Variants in FCER2 observed in about 807,000 individuals in gnomAD.
FCER2 encodes the protein Fc epsilon receptor II.
A neutral mutation model predicts 49.7 loss-of-function variants in FCER2; 38 were observed. The observed-to-expected ratio is 0.76, with a 90% CI of 0.59 to 1.00. FCER2 has a LOEUF of 1.00. Ranked by LOEUF, FCER2 falls within the 50% of genes least tolerant of loss-of-function variation. The pLI is 0.00. For synonymous variants in FCER2, 163 were observed against 164.6 expected, an observed-to-expected ratio of 0.99 and a Z score of 0.07; for missense variants, 425 against 419.5, an observed-to-expected ratio of 1.01 and a Z score of -0.11.
At chr19:7,691,425 C>T (rs62110719) in intron 8 of FCER2, among the ~76,000 whole-genome samples, 52,765 of 151,498 alleles carry the variant, frequency 0.35, 10,288 homozygotes, top group African/African-American at 0.53. Context: ...CATCAATCAC[C>T]AACACCATCG....
chr19:7,695,547 G>A (rs767215984), intron 8 of FCER2, among the ~76,000 whole-genome samples: 31 of 152,284 alleles, frequency 2.0e-4, no homozygotes, highest in Admixed American at 1.7e-3. Flanking sequence ...AGGCCGAGGC[G>A]AGAGGATTGC....
At position 7,690,188 on chromosome 19, in the gene FCER2, G is replaced by A. The variant is rs2229229; in HGVS notation, c.699C>T (p.Ile233=). 3.7e-5 allele frequency: 59 copies of A among 1,613,718 alleles called. No homozygotes were observed. In the African/African-American group the frequency reaches 7.6e-4, roughly 21 times the overall value. ...LRNLDLKGEF[I]WVDGSHVDYS... Reference sequence around the variant, plus strand: ...AGTCCACGTGGCTCCCATCCACCCAGATAAACTCCCCCTTCAGGTCCAAGT... The same window carrying A: ...AGTCCACGTGGCTCCCATCCACCCAAATAAACTCCCCCTTCAGGTCCAAGT... Residue 233 remains isoleucine (I), a synonymous_variant, in exon 10 of 11, where the codon ATC becomes ATT. Coordinates refer to ENST00000597921, the MANE Select transcript of FCER2 (RefSeq NM_001220500.2).
intron 8 of FCER2, among the ~76,000 whole-genome samples, chr19:7,693,536 C>T (rs2146272474): frequency 6.6e-6 from 1 of 152,044 alleles, no homozygotes; most frequent in African/African-American, 2.4e-5. Context: ...CGCTTGAGCC[C>T]AGGAGTTTGA....
At position 7,697,294 on chromosome 19, in the gene FCER2, C is replaced by G; in HGVS notation, c.258G>C (p.Thr86=). The change falls in exon 6 of 11, where the codon ACG becomes ACC. Residue 86 remains threonine (T), a synonymous_variant. Transcript: ENST00000597921. ...GDQMAQKSQS[T]QISQELEELR... is the part of the protein sequence containing the mutation. Reference sequence around the variant, plus strand: ...GTTCCTCCAGTTCCTGTGAAATCTGCGTGGCTGTTTGCAGGGGAGGGGGCT... The same window carrying G: ...GTTCCTCCAGTTCCTGTGAAATCTGGGTGGCTGTTTGCAGGGGAGGGGGCT... The G allele has an allele frequency of 6.2e-7, 1 of 1,614,116 alleles. No individual in the cohort carries two copies. Among genetic ancestry groups the G allele is most frequent in the Non-Finnish European group, 8.5e-7 (1 of 1,179,976 alleles).
intron 1 of FCER2, among the ~76,000 whole-genome samples, chr19:7,701,434 C>G (rs2033150311): frequency 6.6e-6 from 1 of 152,092 alleles, no homozygotes; most frequent in Non-Finnish European, 1.5e-5. Context: ...TGGGAGTATT[C>G]AAAGCACCAG....
In FCER2 at chr19:7,696,929, A is replaced by G; in HGVS notation, c.380-15T>C. 1.3e-6 allele frequency: 2 copies of G among 1,569,804 alleles called. No individual in the cohort carries two copies. Among genetic ancestry groups the G allele is most frequent in the Non-Finnish European group, 1.7e-6 (2 of 1,156,338 alleles). Reference sequence around the variant, plus strand: ...CTCGTTCAATTCTTGGGGAGTCAACAAGGGGCGGTGCTCAGAGACCAACTG... The same window carrying G: ...CTCGTTCAATTCTTGGGGAGTCAACGAGGGGCGGTGCTCAGAGACCAACTG... On this transcript the variant is annotated splice_polypyrimidine_tract_variant and intron_variant, in intron 7 of 10. Transcript: ENST00000597921.
chr19:7,689,533 A>G, intron 10 of FCER2, 103 bp from the exon 11 acceptor site: 1 of 703,330 alleles, frequency 1.4e-6, no homozygotes, highest in Non-Finnish European at 2.3e-6. Context: ...CAGGTTCCCC[A>G]TCCTGAGTCT....
rs745635553 is a variant in FCER2 at position 7,698,356 on chromosome 19, C to T, written c.190G>A (p.Val64Ile). The T allele has an allele frequency of 2.1e-5, 33 of 1,609,366 alleles. No individual in the cohort carries two copies. The highest frequency in any genetic ancestry group is 1.6e-4 in the Middle Eastern group (1 of 6,064). The change falls in exon 4 of 11, where the codon GTC becomes ATC. Residue 64 changes from valine (V) to isoleucine (I), a missense_variant and splice_region_variant. Physicochemically the swap from Val to Ile is conservative, Grantham distance 29. Transcript: ENST00000597921. ...CCCCTCCACCTTGACCCCTTCATAC[C>T]GTTCCGGGCAGCCCTCTCTTCCAGC... is the stretch of plus-strand genomic sequence containing the variant. ...KQLEERAARN[V>I]SQVSKNLESH... is the part of the protein sequence containing the mutation.
chr19:7,699,630 C>T, intron 2 of FCER2, 109 bp downstream of exon 2: 1 of 1,297,322 alleles, frequency 7.7e-7, no homozygotes, highest in Admixed American at 1.8e-5. Flanking sequence ...CTTAGAAATT[C>T]ACCCTCTTTC....
chr19:7,698,251 C>T, intron 4 of FCER2, 105 bp downstream of exon 4: 1 of 833,086 alleles, frequency 1.2e-6, no homozygotes, highest in Non-Finnish European at 1.9e-6. Context: ...CTTAGTTTGA[C>T]CTTCAGTTCC....
At position 7,698,261 on chromosome 19, in the gene FCER2, C is replaced by G. The variant is rs777406949; in HGVS notation, c.190+95G>C. The G allele has an allele frequency of 1.9e-4, 177 of 921,408 alleles. 1 individual carries two copies. Among genetic ancestry groups the G allele is most frequent in the Non-Finnish European group, 2.7e-4 (161 of 607,134 alleles). 57.1% of individuals were successfully genotyped at this position (921,408 alleles called of 1,614,324 possible). A position where few individuals can be genotyped will look rare whatever the true frequency, so the allele number is the denominator to read the frequency against. ...AGCAACTTAGTTTGACCTTCAGTTC[C>G]TTAGCGAGGGGACACTGAGGCCCAG... On this transcript the variant is annotated intron_variant, in intron 4 of 10. Coordinates refer to ENST00000597921, the MANE Select transcript of FCER2 (RefSeq NM_001220500.2).
At chr19:7,697,134 C>A (rs887293379) in intron 6 of FCER2, 59 bp from the exon 7 acceptor site, 5 of 1,603,088 alleles carry the variant, frequency 3.1e-6, no homozygotes, top group Non-Finnish European at 4.3e-6. Context: ...GCCGAGGGTG[C>A]CCCCCAAGCC....
At position 7,689,449 on chromosome 19, in the gene FCER2, G is replaced by C; in HGVS notation, c.729-19C>G. 2 of 1,522,022 alleles carry C rather than the reference G, an allele frequency of 1.3e-6. No homozygotes were observed. The highest frequency in any genetic ancestry group is 2.3e-5 in the East Asian group (1 of 43,332). 94.3% of individuals were successfully genotyped at this position (1,522,022 alleles called of 1,614,324 possible). A position where few individuals can be genotyped will look rare whatever the true frequency, so the allele number is the denominator to read the frequency against. On this transcript the variant is annotated intron_variant, in intron 10 of 10. Transcript: ENST00000597921. Reference sequence around the variant, plus strand: ...CCAGTTGCTGGAGCAAAAGGCTTTGGGTCAGGGGATGGGGCGGGGAGAAGG... The same window carrying C: ...CCAGTTGCTGGAGCAAAAGGCTTTGCGTCAGGGGATGGGGCGGGGAGAAGG...
rs2032776774 is a variant in FCER2, at chr19:7,688,948, T to G, written c.*245A>C. ...GGTGCTGTTGGGGTGTACTCTCATC[T>G]GGAGAGGGTGCTGTTGGGGTGTACT... On this transcript the variant is annotated 3_prime_UTR_variant, in exon 11 of 11. Coordinates refer to ENST00000597921, the MANE Select transcript of FCER2 (RefSeq NM_001220500.2). The G allele has an allele frequency of 1.8e-6, 1 of 550,888 alleles. No homozygotes were observed. Among genetic ancestry groups the G allele is most frequent in the Non-Finnish European group, 3.3e-6 (1 of 306,938 alleles). 34.1% of individuals were successfully genotyped at this position (550,888 alleles called of 1,614,324 possible). A position where few individuals can be genotyped will look rare whatever the true frequency, so the allele number is the denominator to read the frequency against.
At chr19:7,701,002 G>A (rs760050379) in intron 1 of FCER2, among the ~76,000 whole-genome samples, 1 of 151,670 alleles carries the variant, frequency 6.6e-6, no homozygotes, top group Non-Finnish European at 1.5e-5. Flanking sequence ...TAGAGACAGG[G>A]TTTCACCATA....
chr19:7,698,775 C>T lies in FCER2; in HGVS notation c.102G>A (p.Leu34=), dbSNP rs971090665. The T allele has an allele frequency of 1.1e-5, 18 of 1,613,050 alleles. No individual in the cohort carries two copies. The highest frequency in any genetic ancestry group is 1.4e-5 in the Non-Finnish European group (17 of 1,179,646). The change falls in exon 3 of 11, where the codon CTG becomes CTA. Residue 34 remains leucine (L), a synonymous_variant. Coordinates refer to ENST00000597921, the MANE Select transcript of FCER2 (RefSeq NM_001220500.2). ...IVLLGLVTAA[L]WAGLLTLLLL... ...GAAGCAGAGTCAGCAGCCCAGCCCA[C>T]AGAGCGGCGGTCACCAGCCCCAGCA...
chr19:7,694,758 C>T (rs1350374007), intron 8 of FCER2, among the ~76,000 whole-genome samples: 1 of 152,042 alleles, frequency 6.6e-6, no homozygotes, highest in East Asian at 1.9e-4. Flanking sequence ...TCCCAGAGGT[C>T]AAAGACCAAA....
intron 8 of FCER2, among the ~76,000 whole-genome samples, chr19:7,694,315 T>C (rs1158191022): frequency 1.3e-5 from 2 of 152,068 alleles, no homozygotes; most frequent in African/African-American, 4.8e-5. Context: ...TAGTGAGCCA[T>C]GATTGTGCCA....
At position 7,689,247 on chromosome 19, in the gene FCER2, T is replaced by C. The variant is rs1230919845; in HGVS notation, c.912A>G (p.Ser304=). Residue 304 remains serine, a synonymous_variant, in exon 11 of 11, where the codon TCA becomes TCG. Transcript: ENST00000597921. ...GCAGGCGGCCGTCAGGGTCTGGTCT[T>C]GAATCAGGTCCCATGGACTCCGCGG... The part of the protein sequence containing the change: ...EGSAESMGPD[S]RPDPDGRLPT... 6.2e-7 allele frequency: 1 copy of C among 1,613,784 alleles called. No individual in the cohort carries two copies. The highest frequency in any genetic ancestry group is 8.5e-7 in the Non-Finnish European group (1 of 1,179,894).
Sources: gnomAD v4.1 joint callset for allele counts (sites outside exome capture counted in the v4.1 genomes callset) on GRCh38, gnomAD v4.1.1 for gene constraint, MANE v1.5 for transcripts, NCBI Gene and HGNC (gene_info 2026-07-23, HGNC 2026-07-21) for gene names.